Variants in PPP2R2B observed in about 807,000 individuals in gnomAD.
The protein encoded by PPP2R2B is protein phosphatase 2 regulatory subunit Bbeta.
In PPP2R2B, 5 loss-of-function variants were observed where a neutral mutation model predicts 46.0. The ratio of observed to expected loss-of-function variants is 0.11; its 90% CI spans 0.06 to 0.23. The LOEUF (loss-of-function observed/expected upper bound fraction) is 0.23, where lower values mean the gene tolerates loss of function less well. Among genes scored for constraint, PPP2R2B ranks in the 10% least tolerant of loss-of-function variants. The pLI is 1.00. For missense variants in PPP2R2B, 367 were observed against 575.0 expected (o/e 0.64, Z 3.70); for synonymous variants, 215 against 206.7 (o/e 1.04, Z -0.34).
upstream of PPP2R2B, among the ~76,000 whole-genome samples, chr5:146,881,039 T>G (rs1018662453): frequency 6.7e-6 from 1 of 149,284 alleles, no homozygotes; most frequent in South Asian, 2.2e-4. Context: ...AAGAGCCCTG[T>G]GCACCACTGT....
intron 1 of PPP2R2B, among the ~76,000 whole-genome samples, chr5:146,974,789 C>T (rs563052387): frequency 6.6e-6 from 1 of 150,708 alleles, no homozygotes; most frequent in Non-Finnish European, 1.5e-5. Context: ...TACGGGTTCA[C>T]GCCATTCTCC....
chr5:146,805,160 G>T (rs1757100603), intron 2 of PPP2R2B, among the ~76,000 whole-genome samples: 1 of 152,142 alleles, frequency 6.6e-6, no homozygotes, highest in African/African-American at 2.4e-5. Context: ...GTCAAACTGT[G>T]CTCAGAAATA....
At position 146,832,367 on chromosome 5, in the gene PPP2R2B, G is replaced by A. The variant is rs551803066; in HGVS notation, c.70+45635C>T. ...GTAAGTGCCCTACACAAGTAAGTGT[G>A]CCATTTTTAATCTTTTTTTTTTTTT... On this transcript the variant is annotated intron_variant, in intron 2 of 9. Transcript: ENST00000394411. Among the ~76,000 whole-genome samples, 555 of 138,772 alleles carry A rather than the reference G, an allele frequency of 4.0e-3. 3 individuals carry two copies. Among genetic ancestry groups the A allele is most frequent in the African/African-American group, 0.014 (528 of 37,666 alleles). The allele number at this position is 138,772 out of a possible 152,430, so 91.0% of individuals were successfully genotyped here.
intron 2 of PPP2R2B, among the ~76,000 whole-genome samples, chr5:146,845,411 G>A (rs1232964046): frequency 2.7e-5 from 4 of 149,720 alleles, no homozygotes; most frequent in African/African-American, 7.4e-5. Context: ...GTTCATGCCT[G>A]GCTAAATTTT....
At chr5:146,707,023 T>C (rs1418535998) in intron 2 of PPP2R2B, 3 of 1,042,676 alleles carry the variant, frequency 2.9e-6, no homozygotes, top group Non-Finnish European at 4.5e-6. Flanking sequence ...CACATCCTTC[T>C]TGATGAGGAC....
At chr5:147,041,470 A>C (rs983036883) in intron 1 of PPP2R2B, among the ~76,000 whole-genome samples, 1 of 152,092 alleles carries the variant, frequency 6.6e-6, no homozygotes, top group East Asian at 1.9e-4. Context: ...CTCCACCATC[A>C]TTGTTCCCTG....
At chr5:147,026,491 T>C (rs1019672381) in intron 1 of PPP2R2B, among the ~76,000 whole-genome samples, 1 of 152,132 alleles carries the variant, frequency 6.6e-6, no homozygotes, top group Non-Finnish European at 1.5e-5. Context: ...TTGAGGGTAA[T>C]AGATATTTTC....
chr5:146,847,718 G>T (rs1302052911), intron 2 of PPP2R2B, among the ~76,000 whole-genome samples: 1 of 152,206 alleles, frequency 6.6e-6, no homozygotes, highest in Non-Finnish European at 1.5e-5. Flanking sequence ...TGTGTGCCAA[G>T]ACTTGTTTCA....
intron 2 of PPP2R2B, among the ~76,000 whole-genome samples, chr5:146,766,632 A>T (rs896451833): frequency 6.6e-6 from 1 of 152,176 alleles, no homozygotes; most frequent in African/African-American, 2.4e-5. Flanking sequence ...TATTATTTAT[A>T]CTTTCAAATG....
At chr5:146,680,711 C>T (rs1397680711) in intron 5 of PPP2R2B, among the ~76,000 whole-genome samples, 2 of 152,146 alleles carry the variant, frequency 1.3e-5, no homozygotes, top group African/African-American at 4.8e-5. Context: ...GTGTGTACCA[C>T]TGCTTTTAAC....
At position 146,706,820 on chromosome 5, in the gene PPP2R2B, T is replaced by C. The variant is rs559562039; in HGVS notation, c.71-5678A>G. 134 of 931,872 alleles carry C rather than the reference T, an allele frequency of 1.4e-4. 1 individual carries two copies. In the South Asian group the frequency reaches 1.6e-3, roughly 11 times the overall value. The allele number at this position is 931,872 out of a possible 1,614,324, so 57.7% of individuals were successfully genotyped here. A position where few individuals can be genotyped will look rare whatever the true frequency, so the allele number is the denominator to read the frequency against. Reference sequence around the variant, plus strand: ...ACTGCGGTTGGCGATCTCCTCGTACTGTACCTTGACCTCAGCGATGATGCT... The same window carrying C: ...ACTGCGGTTGGCGATCTCCTCGTACCGTACCTTGACCTCAGCGATGATGCT... On this transcript the variant is annotated intron_variant, in intron 2 of 9. Transcript: ENST00000394411.
At chr5:146,903,407 T>C (rs1762901999) in intron 1 of PPP2R2B, among the ~76,000 whole-genome samples, 1 of 149,762 alleles carries the variant, frequency 6.7e-6, no homozygotes, top group Admixed American at 6.6e-5. Context: ...TTTTTTTTTT[T>C]TTTTTAGAGA....
chr5:147,016,318 C>T (rs948762027), intron 1 of PPP2R2B, among the ~76,000 whole-genome samples: 1 of 150,796 alleles, frequency 6.6e-6, no homozygotes, highest in African/African-American at 2.4e-5. Flanking sequence ...CTAGGTGACA[C>T]AGTAAGACTC....
At chr5:146,666,699 C>T (rs1776998788) in intron 5 of PPP2R2B, among the ~76,000 whole-genome samples, 1 of 152,220 alleles carries the variant, frequency 6.6e-6, no homozygotes, top group Non-Finnish European at 1.5e-5. Flanking sequence ...AATCTTCACA[C>T]CTCAATAATG....
At chr5:146,812,815 A>ATATATGTATG (rs1554140183) in intron 2 of PPP2R2B, among the ~76,000 whole-genome samples, 1 of 35,632 alleles carries the variant, frequency 2.8e-5, no homozygotes, top group Non-Finnish European at 6.4e-5. Context: ...ATATATATAT[A>ATATATGTATG]TATATATATA....
intron 1 of PPP2R2B, among the ~76,000 whole-genome samples, chr5:147,039,101 C>T (rs1257623492): frequency 1.3e-5 from 2 of 152,144 alleles, no homozygotes; most frequent in Non-Finnish European, 2.9e-5. Flanking sequence ...GCCTGGAATG[C>T]TCCCCACTGG....
chr5:146,875,618 G>A (rs952953210), intron 2 of PPP2R2B, among the ~76,000 whole-genome samples: 17 of 152,160 alleles, frequency 1.1e-4, no homozygotes, highest in African/African-American at 2.9e-4. Flanking sequence ...TACATGTGAA[G>A]GAGATATTTT....
At chr5:146,597,398 G>A (rs552561600) in intron 8 of PPP2R2B, among the ~76,000 whole-genome samples, 1 of 152,052 alleles carries the variant, frequency 6.6e-6, no homozygotes, top group Non-Finnish European at 1.5e-5. Context: ...CTAGTATGTT[G>A]ATTCTATCAA....
intron 1 of PPP2R2B, among the ~76,000 whole-genome samples, chr5:147,039,236 A>T (rs1402980538): frequency 6.6e-6 from 1 of 151,904 alleles, no homozygotes; most frequent in East Asian, 1.9e-4. Flanking sequence ...GTAATGATTT[A>T]CCCTGTTTTT....
Sources: gnomAD v4.1 joint callset for allele counts (sites outside exome capture counted in the v4.1 genomes callset) on GRCh38, gnomAD v4.1.1 for gene constraint, MANE v1.5 for transcripts, NCBI Gene and HGNC (gene_info 2026-07-23, HGNC 2026-07-21) for gene names.